PPP1R12A: variants seen among roughly 807,000 people sequenced by gnomAD.
PPP1R12A encodes protein phosphatase 1 regulatory subunit 12A.
Under a neutral mutation model 139.6 loss-of-function variants are expected in PPP1R12A, and 19 were observed. That is an observed-to-expected ratio of 0.14 (90% CI 0.09 to 0.20). The LOEUF (loss-of-function observed/expected upper bound fraction) is 0.20. Among genes scored for constraint, PPP1R12A ranks in the 10% least tolerant of loss-of-function variants. The pLI is 1.00. For missense variants in PPP1R12A, 925 were observed against 1,211.5 expected (o/e 0.76, Z 3.51); for synonymous variants, 427 against 420.6 (o/e 1.02, Z -0.19).
In PPP1R12A at chr12:79,808,570, T is replaced by C. The variant is rs1360252182; in HGVS notation, c.1463A>G (p.Asp488Gly). The C allele has an allele frequency of 3.1e-6, 5 of 1,596,972 alleles. No homozygotes were observed. Among genetic ancestry groups the C allele is most frequent in the Non-Finnish European group, 4.3e-6 (5 of 1,166,682 alleles). Reference sequence around the variant, plus strand: ...ATATGCAAGCCTAGTTCCTTTACTATCTTTCTCCTACACAACAGGGAAAAA... The same window carrying C: ...ATATGCAAGCCTAGTTCCTTTACTACCTTTCTCCTACACAACAGGGAAAAA... ...SSLDNKEKEK[D>G]SKGTRLAYVA... The change falls in exon 11 of 25, where the codon GAT becomes GGT. Residue 488 changes from aspartate to glycine, a missense_variant. Physicochemically the swap from Asp to Gly is moderately conservative, Grantham distance 94 (BLOSUM62 -1). Transcript: ENST00000450142.
At chr12:79,891,204 T>C (rs930963034) in intron 1 of PPP1R12A, among the ~76,000 whole-genome samples, 2 of 152,126 alleles carry the variant, frequency 1.3e-5, no homozygotes, top group African/African-American at 4.8e-5. Flanking sequence ...TAAGAATATA[T>C]AATTCTGGAT....
At chr12:79,907,784 G>A (rs1490119914) in intron 1 of PPP1R12A, among the ~76,000 whole-genome samples, 1 of 152,134 alleles carries the variant, frequency 6.6e-6, no homozygotes, top group Non-Finnish European at 1.5e-5. Context: ...AGTAGTCCCA[G>A]CTACTCGGGA....
intron 3 of PPP1R12A, among the ~76,000 whole-genome samples, chr12:79,844,418 T>A (rs1879143671): frequency 6.6e-6 from 1 of 152,196 alleles, no homozygotes; most frequent in African/African-American, 2.4e-5. Flanking sequence ...ACCAAAAATC[T>A]TAGAATCTTC....
intron 1 of PPP1R12A, among the ~76,000 whole-genome samples, chr12:79,932,492 T>A (rs2068596): frequency 0.91 from 139,165 of 152,242 alleles, 63,905 homozygotes; most frequent in Middle Eastern, 0.95. Flanking sequence ...TTTGCAGATA[T>A]GGAAAAATGT....
At chr12:79,849,303 C>T (rs1399757657) in intron 2 of PPP1R12A, among the ~76,000 whole-genome samples, 1 of 151,976 alleles carries the variant, frequency 6.6e-6, no homozygotes, top group South Asian at 2.1e-4. Context: ...AGGAGAATCA[C>T]TTGAACCCAG....
At chr12:79,871,590 A>G (rs1882573023) in intron 2 of PPP1R12A, among the ~76,000 whole-genome samples, 1 of 152,188 alleles carries the variant, frequency 6.6e-6, no homozygotes, top group Non-Finnish European at 1.5e-5. Flanking sequence ...CAACTTGCCA[A>G]GGTTATACTC....
At position 79,775,851 on chromosome 12, in the gene PPP1R12A, A is replaced by G. The variant is rs1869652071; in HGVS notation, c.*78T>C. 1 of 958,544 alleles carries G rather than the reference A, an allele frequency of 1.0e-6. No individual in the cohort carries two copies. The allele number at this position is 958,544 out of a possible 1,614,324, so 59.4% of individuals were successfully genotyped here. A position where few individuals can be genotyped will look rare whatever the true frequency, so the allele number is the denominator to read the frequency against. On this transcript the variant is annotated 3_prime_UTR_variant, in exon 25 of 25. Coordinates refer to ENST00000450142, the MANE Select transcript of PPP1R12A (RefSeq NM_002480.3). ...ATGACAGTCTCCAAGGATTCTTCCC[A>G]GACTTCCAGTGACTGCCAATTATGG...
In PPP1R12A at chr12:79,775,846, T is replaced by C; in HGVS notation, c.*83A>G. On this transcript the variant is annotated 3_prime_UTR_variant, in exon 25 of 25. Coordinates refer to ENST00000450142, the MANE Select transcript of PPP1R12A (RefSeq NM_002480.3). ...CGAAAATGACAGTCTCCAAGGATTC[T>C]TCCCAGACTTCCAGTGACTGCCAAT... The C allele has an allele frequency of 1.1e-6, 1 of 906,612 alleles. No homozygotes were observed. Among genetic ancestry groups the C allele is most frequent in the South Asian group, 2.3e-5 (1 of 44,154 alleles). The allele number at this position is 906,612 out of a possible 1,614,324, so 56.2% of individuals were successfully genotyped here. A position where few individuals can be genotyped will look rare whatever the true frequency, so the allele number is the denominator to read the frequency against.
At chr12:79,792,149 CATA>C (rs1871954515) in intron 19 of PPP1R12A, among the ~76,000 whole-genome samples, 1 of 152,162 alleles carries the variant, frequency 6.6e-6, no homozygotes, top group African/African-American at 2.4e-5. Context: ...TTTCTGGACA[CATA>C]ATATCTATGT....
chr12:79,785,932 T>C (rs553952831), intron 22 of PPP1R12A, among the ~76,000 whole-genome samples: 6 of 152,334 alleles, frequency 3.9e-5, no homozygotes, highest in East Asian at 1.9e-4. Flanking sequence ...GACTGCTGCA[T>C]AGAAGGAACT....
In PPP1R12A at chr12:79,786,349, G is replaced by A. The variant is rs1312251476; in HGVS notation, c.2907+25C>T. ...ATAAATCACAACCATTACCTTGAGA[G>A]TAACAAAAAGAAAAGGGTACAAACC... On this transcript the variant is annotated intron_variant, in intron 22 of 24. Transcript: ENST00000450142. 20 of 1,378,312 alleles carry A rather than the reference G, an allele frequency of 1.5e-5. No homozygotes were observed. In the East Asian group the frequency reaches 4.5e-4, roughly 31 times the overall value. 85.4% of individuals were successfully genotyped at this position (1,378,312 alleles called of 1,614,324 possible).
intron 8 of PPP1R12A, among the ~76,000 whole-genome samples, chr12:79,820,219 T>A (rs184933905): frequency 1.4e-4 from 22 of 152,318 alleles, no homozygotes; most frequent in African/African-American, 5.3e-4. Flanking sequence ...TTAACTTCAT[T>A]TAAGAAATTG....
At chr12:79,818,278 C>G (rs909613675) in intron 8 of PPP1R12A, among the ~76,000 whole-genome samples, 1 of 152,110 alleles carries the variant, frequency 6.6e-6, no homozygotes. Flanking sequence ...GGGTCTTGTT[C>G]TGTTGCCCAG....
chr12:79,811,239 G>C (rs1029599632), intron 9 of PPP1R12A, among the ~76,000 whole-genome samples: 2 of 152,164 alleles, frequency 1.3e-5, no homozygotes, highest in African/African-American at 4.8e-5. Context: ...GATGATGCTT[G>C]AGGGCCACTT....
intron 2 of PPP1R12A, among the ~76,000 whole-genome samples, chr12:79,867,395 C>T (rs1882088409): frequency 6.6e-6 from 1 of 152,014 alleles, no homozygotes; most frequent in Admixed American, 6.6e-5. Context: ...TGTGGCACAC[C>T]ATCATGGCAT....
chr12:79,903,713 C>T (rs1012404233), intron 1 of PPP1R12A, among the ~76,000 whole-genome samples: 1 of 152,000 alleles, frequency 6.6e-6, no homozygotes, highest in Admixed American at 6.6e-5. Flanking sequence ...TCTAGTTTCA[C>T]GCATAAATGC....
intron 1 of PPP1R12A, among the ~76,000 whole-genome samples, chr12:79,904,902 A>G (rs772615085): frequency 1.6e-4 from 24 of 152,212 alleles, no homozygotes; most frequent in Non-Finnish European, 2.4e-4. Context: ...AACACACTGA[A>G]GCATGTTCAC....
Position 79,820,031 on chromosome 12 carries a change from TATGAAAAA to T in PPP1R12A, c.1114+735_1114+742del, listed in dbSNP as rs1489515083. ...AAAAGATGTATAACAATTCCTACCA[TATGAAAAA>T]AACACAAAACAATATTATAATTGTT... On this transcript the variant is annotated intron_variant, in intron 8 of 24. Transcript: ENST00000450142. Among the ~76,000 whole-genome samples the T allele has an allele frequency of 4.0e-5, 6 of 148,684 alleles. No individual in the cohort carries two copies. In the South Asian group the frequency reaches 1.4e-3, roughly 34 times the overall value.
intron 1 of PPP1R12A, among the ~76,000 whole-genome samples, chr12:79,886,312 T>C (rs1884098742): frequency 6.6e-6 from 1 of 152,134 alleles, no homozygotes; most frequent in African/African-American, 2.4e-5. Flanking sequence ...TACTGGCAAA[T>C]GAAAAGCAAG....
Sources: allele counts gnomAD v4.1 joint callset (sites outside exome capture counted in the v4.1 genomes callset), GRCh38; gene constraint gnomAD v4.1.1; transcripts MANE v1.5; gene names NCBI Gene and HGNC (gene_info 2026-07-23, HGNC 2026-07-21).